The following FYB1 variants were observed in gnomAD, a reference collection of about 807,000 sequenced individuals.
FYB1 encodes FYN binding protein 1.
A neutral mutation model predicts 94.1 loss-of-function variants in FYB1; 41 were observed. The observed-to-expected ratio is 0.44, with a 90% CI of 0.34 to 0.57. The LOEUF is 0.57. Ranked by LOEUF, FYB1 falls within the 20% of genes least tolerant of loss-of-function variation. The pLI is 0.02. For synonymous variants in FYB1, 367 were observed against 353.2 expected (o/e 1.04, Z -0.44); for missense variants, 1,050 against 976.8 (o/e 1.07, Z -1.00).
intron 16 of FYB1, among the ~76,000 whole-genome samples, chr5:39,111,834 A>G (rs1739103701): frequency 6.6e-6 from 1 of 151,974 alleles, no homozygotes; most frequent in Non-Finnish European, 1.5e-5. Context: ...AAAGCACAAT[A>G]ACACATTACT....
chr5:39,157,174 A>G (rs1346797843), intron 2 of FYB1, among the ~76,000 whole-genome samples: 1 of 152,106 alleles, frequency 6.6e-6, no homozygotes, highest in African/African-American at 2.4e-5. Flanking sequence ...TTTGAACTCT[A>G]GTCATTTTTT....
intron 2 of FYB1, among the ~76,000 whole-genome samples, chr5:39,195,253 A>G (rs1039715136): frequency 2.0e-5 from 3 of 152,254 alleles, no homozygotes; most frequent in Non-Finnish European, 4.4e-5. Flanking sequence ...CTACGTTTCT[A>G]AAATGTGAAC....
At position 39,147,745 on chromosome 5, in the gene FYB1, G is replaced by A. The variant is rs1734670234; in HGVS notation, c.1292+5703C>T. ...TTTTGAGACGGAGTCTTGCTCTGTC[G>A]CCCAGGCTCACTGCAAGCTCCGCCT... is the stretch of plus-strand genomic sequence containing the variant. On this transcript the variant is annotated intron_variant, in intron 3 of 18. Coordinates refer to ENST00000512982, the MANE Select transcript of FYB1 (RefSeq NM_001465.6). Among the ~76,000 whole-genome samples the A allele has an allele frequency of 5.9e-5, 8 of 136,064 alleles. No individual in the cohort carries two copies. In the South Asian group the frequency reaches 1.8e-3, roughly 31 times the overall value. 89.3% of individuals were successfully genotyped at this position (136,064 alleles called of 152,430 possible).
At chr5:39,181,444 C>G (rs183832154) in intron 2 of FYB1, among the ~76,000 whole-genome samples, 1 of 152,168 alleles carries the variant, frequency 6.6e-6, no homozygotes, top group Non-Finnish European at 1.5e-5. Flanking sequence ...CAGTATAGAA[C>G]TGATAGATCT....
chr5:39,108,845 T>G (rs1320616722), intron 17 of FYB1, among the ~76,000 whole-genome samples: 2 of 152,100 alleles, frequency 1.3e-5, no homozygotes, highest in Non-Finnish European at 2.9e-5. Flanking sequence ...TCCATAATAG[T>G]AATTTTGGTA....
chr5:39,176,038 A>G (rs926786261), intron 2 of FYB1, among the ~76,000 whole-genome samples: 1 of 151,622 alleles, frequency 6.6e-6, no homozygotes, highest in Non-Finnish European at 1.5e-5. Context: ...CTCTCCTCAA[A>G]TACAGCCTCC....
At chr5:39,198,459 C>A (rs968982380) in intron 2 of FYB1, among the ~76,000 whole-genome samples, 1 of 152,062 alleles carries the variant, frequency 6.6e-6, no homozygotes, top group Non-Finnish European at 1.5e-5. Context: ...TTTTGAAAGT[C>A]CTTTGAAAAA....
intron 1 of FYB1, among the ~76,000 whole-genome samples, chr5:39,253,185 A>G (rs1030213987): frequency 6.6e-6 from 1 of 152,196 alleles, no homozygotes; most frequent in African/African-American, 2.4e-5. Flanking sequence ...AATAAATAAG[A>G]TACTTCCATA....
chr5:39,261,046 C>G (rs1269650118), intron 1 of FYB1, among the ~76,000 whole-genome samples: 1 of 151,998 alleles, frequency 6.6e-6, no homozygotes, highest in Non-Finnish European at 1.5e-5. Flanking sequence ...ATTGAATAAT[C>G]TTAGAGATTG....
chr5:39,152,737 A>G (rs1479804205), intron 3 of FYB1, among the ~76,000 whole-genome samples: 1 of 152,256 alleles, frequency 6.6e-6, no homozygotes, highest in Non-Finnish European at 1.5e-5. Flanking sequence ...TCTGAAAAAT[A>G]TCATCTAAGA....
At chr5:39,270,531 C>T in intron 1 of FYB1, 1 of 1,525,372 alleles carries the variant, frequency 6.6e-7, no homozygotes, top group Non-Finnish European at 8.8e-7. Flanking sequence ...AGCACATTTG[C>T]CAGGAGACCA....
chr5:39,150,162 G>A (rs772784824), intron 3 of FYB1, among the ~76,000 whole-genome samples: 5 of 152,018 alleles, frequency 3.3e-5, no homozygotes, highest in Admixed American at 6.6e-5. Context: ...AGTCACCCAC[G>A]CTCACCAAAC....
At chr5:39,270,583 A>C in intron 1 of FYB1, 1 of 1,535,208 alleles carries the variant, frequency 6.5e-7, no homozygotes, top group Non-Finnish European at 8.7e-7. Context: ...TTTATTGAAA[A>C]GAGTTGATAT....
In FYB1 at chr5:39,202,131, T is replaced by G; in HGVS notation, c.830A>C (p.Lys277Thr). Residue 277 changes from lysine to threonine, a missense_variant, in exon 2 of 19, where the codon AAA becomes ACA. Coordinates refer to ENST00000512982, the MANE Select transcript of FYB1 (RefSeq NM_001465.6). The stretch of plus-strand genomic sequence containing the variant: ...ATCTTCCTTTTTTTCTTCACCATTT[T>G]TGGAGAGACCTGGGCCTCCCCTGCT... ...AASRGGPGLS[K>T]NGEEKKEDRK... 6.2e-7 allele frequency: 1 copy of G among 1,613,998 alleles called. No individual in the cohort carries two copies. The highest frequency in any genetic ancestry group is 1.1e-5 in the South Asian group (1 of 91,086).
Position 39,108,272 on chromosome 5 carries a change from T to A in FYB1, c.2436-10A>T. 2 of 1,518,206 alleles carry A rather than the reference T, an allele frequency of 1.3e-6. No individual in the cohort carries two copies. The highest frequency in any genetic ancestry group is 1.8e-6 in the Non-Finnish European group (2 of 1,123,922). The allele number at this position is 1,518,206 out of a possible 1,614,324, so 94.0% of individuals were successfully genotyped here. On this transcript the variant is annotated splice_polypyrimidine_tract_variant and intron_variant, in intron 17 of 18. Coordinates refer to ENST00000512982, the MANE Select transcript of FYB1 (RefSeq NM_001465.6). ...ATAGATCTCTCCATCACTGTAAATG[T>A]AAAAAAAAATTTTTATTTTAAAGAA...
chr5:39,242,455 C>T (rs1263422004), intron 1 of FYB1, among the ~76,000 whole-genome samples: 2 of 152,124 alleles, frequency 1.3e-5, no homozygotes, highest in Non-Finnish European at 2.9e-5. Context: ...CATGTCCCTA[C>T]AAAGGACATG....
chr5:39,176,408 C>T (rs1002867322), intron 2 of FYB1, among the ~76,000 whole-genome samples: 12 of 152,132 alleles, frequency 7.9e-5, no homozygotes, highest in African/African-American at 2.9e-4. Context: ...CTTCGGCCTT[C>T]CAAAGTGCTG....
chr5:39,107,712 G>A (rs1285553270), intron 18 of FYB1, among the ~76,000 whole-genome samples: 1 of 151,942 alleles, frequency 6.6e-6, no homozygotes. Context: ...ATTATTTTAT[G>A]TGGCACTTAG....
chr5:39,256,907 G>A (rs529658319), intron 1 of FYB1, among the ~76,000 whole-genome samples: 1 of 152,210 alleles, frequency 6.6e-6, no homozygotes, highest in Admixed American at 6.5e-5. Flanking sequence ...ATGAGTAAAA[G>A]TGATGGTAGT....
Sources: allele counts gnomAD v4.1 joint callset (sites outside exome capture counted in the v4.1 genomes callset), GRCh38; gene constraint gnomAD v4.1.1; transcripts MANE v1.5; gene names NCBI Gene and HGNC (gene_info 2026-07-23, HGNC 2026-07-21).